Variants in BCL11A observed in about 807,000 individuals in gnomAD.
BCL11A encodes B cell CLL/lymphoma 11A.
A neutral mutation model predicts 55.9 loss-of-function variants in BCL11A; 2 were observed. The ratio of observed to expected loss-of-function variants is 0.04; its 90% CI spans 0.01 to 0.11. BCL11A has a LOEUF of 0.11. BCL11A is among the 10% of genes least tolerant of loss of function. The pLI is 1.00. For missense variants in BCL11A, 817 were observed against 1,137.1 expected (o/e 0.72, Z 4.05); for synonymous variants, 465 against 473.4 (o/e 0.98, Z 0.23).
chr2:60,498,875 T>A (rs933968236), intron 2 of BCL11A, among the ~76,000 whole-genome samples: 1 of 151,768 alleles, frequency 6.6e-6, no homozygotes, highest in African/African-American at 2.4e-5. Flanking sequence ...TACCTGTAAA[T>A]CTTGATCAAA....
intron 2 of BCL11A, chr2:60,508,496 A>G (rs1290756949): frequency 6.6e-6 from 1 of 152,254 alleles, no homozygotes; most frequent in African/African-American, 2.4e-5. Flanking sequence ...TGCAACTGGG[A>G]GGTTCTGGAA....
intron 2 of BCL11A, among the ~76,000 whole-genome samples, chr2:60,512,050 G>A (rs1212062257): frequency 2.6e-5 from 4 of 152,198 alleles, no homozygotes; most frequent in African/African-American, 7.2e-5. Flanking sequence ...AAGTGTCACA[G>A]TCACTCCAAA....
At chr2:60,467,879 G>GTAC (rs1676905650) in intron 3 of BCL11A, among the ~76,000 whole-genome samples, 1 of 118,564 alleles carries the variant, frequency 8.4e-6, no homozygotes, top group Non-Finnish European at 1.9e-5. Context: ...GGTGGTGATG[G>GTAC]TGGTGGTGGT....
At chr2:60,475,322 A>T (rs1459187640) in intron 2 of BCL11A, among the ~76,000 whole-genome samples, 1 of 152,206 alleles carries the variant, frequency 6.6e-6, no homozygotes, top group African/African-American at 2.4e-5. Context: ...GTGAAACTCC[A>T]TGAAGGTTCA....
rs915633137 is a variant in BCL11A, at chr2:60,512,751, G to A, written c.385+33220C>T. ...ACTTGAAGTTGGTTCATAATCTGGCGACGTTCACAGCCTTATGAAGACAGT... is the reference window on the plus strand; with the variant it reads ...ACTTGAAGTTGGTTCATAATCTGGCAACGTTCACAGCCTTATGAAGACAGT... On this transcript the variant is annotated intron_variant, in intron 2 of 3. Coordinates refer to ENST00000642384, the MANE Select transcript of BCL11A (RefSeq NM_022893.4). 5.9e-5 allele frequency among the ~76,000 whole-genome samples: 9 copies of A among 152,138 alleles called. No homozygotes were observed. The South Asian group carries it at 8.3e-4, about 14-fold the overall frequency.
intron 2 of BCL11A, among the ~76,000 whole-genome samples, chr2:60,517,697 G>A (rs990088225): frequency 6.6e-6 from 1 of 152,248 alleles, no homozygotes; most frequent in African/African-American, 2.4e-5. Context: ...GGAAGCCCCA[G>A]GCTCTGGGCC....
At chr2:60,496,027 A>G (rs983616262) in intron 2 of BCL11A, among the ~76,000 whole-genome samples, 2 of 152,258 alleles carry the variant, frequency 1.3e-5, no homozygotes, top group Non-Finnish European at 2.9e-5. Context: ...ACCAAAGAGA[A>G]GGGATCCAGA....
chr2:60,517,939 A>AC (rs1668806850), intron 2 of BCL11A, among the ~76,000 whole-genome samples: 1 of 148,940 alleles, frequency 6.7e-6, no homozygotes, highest in African/African-American at 2.6e-5. Context: ...GAGGAACAAG[A>AC]ACCTTACTCT....
chr2:60,469,041 G>C (rs897541061), intron 2 of BCL11A, among the ~76,000 whole-genome samples: 15 of 152,150 alleles, frequency 9.9e-5, no homozygotes, highest in Non-Finnish European at 2.1e-4. Context: ...CGGTCTTTTT[G>C]ACAAAAGTGA....
rs1670176803 is a variant in BCL11A, at chr2:60,546,740, C to T, written c.56-440G>A. 6.6e-6 allele frequency among the ~76,000 whole-genome samples: 1 copy of T among 151,800 alleles called. No homozygotes were observed. The highest frequency in any genetic ancestry group is 1.5e-5 in the Non-Finnish European group (1 of 67,928). On this transcript the variant is annotated intron_variant, in intron 1 of 3. Coordinates refer to ENST00000642384, the MANE Select transcript of BCL11A (RefSeq NM_022893.4). The surrounding 1 kb of genome is among the most constrained non-coding windows in gnomAD (Gnocchi z 4.1). The stretch of plus-strand genomic sequence containing the variant: ...CCAAATTTGTTTCTTTTTTCCTATA[C>T]ACCAAGTTGTCCATTGTGCCAAAGA...
chr2:60,455,225 G>A (rs554688128), downstream of BCL11A, among the ~76,000 whole-genome samples: 4 of 152,110 alleles, frequency 2.6e-5, no homozygotes, highest in East Asian at 3.9e-4. Flanking sequence ...CCATCAGCAC[G>A]TCAAGCCTGT....
chr2:60,520,354 G>T (rs1668923038), intron 2 of BCL11A, among the ~76,000 whole-genome samples: 1 of 151,892 alleles, frequency 6.6e-6, no homozygotes. Flanking sequence ...ATGCAAAACA[G>T]TATTTGGATA....
In BCL11A at chr2:60,546,440, G is replaced by A. The variant is rs890316116; in HGVS notation, c.56-140C>T. On this transcript the variant is annotated intron_variant, in intron 1 of 3. Coordinates refer to ENST00000642384, the MANE Select transcript of BCL11A (RefSeq NM_022893.4). The surrounding 1 kb of genome is among the most constrained non-coding windows in gnomAD (Gnocchi z 4.1). ...TCTCTATATAATACCCAGAAAATGT[G>A]AGCATACAAAAAGTACAAGGATGTG... The A allele has an allele frequency of 2.7e-6, 2 of 738,398 alleles. No individual in the cohort carries two copies. Among genetic ancestry groups the A allele is most frequent in the South Asian group, 3.9e-5 (2 of 51,800 alleles). 45.7% of individuals were successfully genotyped at this position (738,398 alleles called of 1,614,324 possible). A position where few individuals can be genotyped will look rare whatever the true frequency, so the allele number is the denominator to read the frequency against.
At chr2:60,523,359 T>C (rs1016365665) in intron 2 of BCL11A, among the ~76,000 whole-genome samples, 1 of 152,222 alleles carries the variant, frequency 6.6e-6, no homozygotes, top group Non-Finnish European at 1.5e-5. Context: ...CAACAGACTT[T>C]CAGATAAATA....
intron 3 of BCL11A, among the ~76,000 whole-genome samples, chr2:60,467,120 GTGGTGGTGATGGTGGTGTTGGTGGTGA>G (rs1558618173): frequency 7.4e-6 from 1 of 134,272 alleles, no homozygotes; most frequent in Non-Finnish European, 1.6e-5. Flanking sequence ...AGTGGTGGTG[GTGGTGGTGATGGTGGTGTTGGTGGTGA>G]TGGTGGTGGT....
intron 2 of BCL11A, among the ~76,000 whole-genome samples, chr2:60,488,853 G>A (rs1259841533): frequency 4.6e-5 from 7 of 152,192 alleles, no homozygotes; most frequent in Admixed American, 1.3e-4. Flanking sequence ...TCCGCCTCCC[G>A]GGTTCAAGCG....
intron 2 of BCL11A, among the ~76,000 whole-genome samples, chr2:60,487,494 G>C (rs1391923489): frequency 6.6e-6 from 1 of 152,064 alleles, no homozygotes; most frequent in Non-Finnish European, 1.5e-5. Flanking sequence ...ATAAATAATA[G>C]AACATACTAA....
intron 2 of BCL11A, chr2:60,537,644 T>A (rs1021961339): frequency 6.6e-6 from 1 of 152,236 alleles, no homozygotes; most frequent in African/African-American, 2.4e-5. Flanking sequence ...AGCTACACTT[T>A]ATTTCCCTAA....
intron 3 of BCL11A, among the ~76,000 whole-genome samples, chr2:60,464,490 C>T (rs1209294327): frequency 6.6e-6 from 1 of 152,186 alleles, no homozygotes; most frequent in African/African-American, 2.4e-5. Flanking sequence ...GACTATCATT[C>T]CTATTTAGCC....
Sources: allele counts gnomAD v4.1 joint callset (sites outside exome capture counted in the v4.1 genomes callset), GRCh38; gene constraint gnomAD v4.1.1; non-coding constraint Gnocchi (gnomAD v3.1); transcripts MANE v1.5; gene names NCBI Gene and HGNC (gene_info 2026-07-23, HGNC 2026-07-21).